Variants in RAP1A observed in about 807,000 individuals in gnomAD.
RAP1A encodes RAP1A, member of RAS oncogene family.
In RAP1A, 6 loss-of-function variants were observed where a neutral mutation model predicts 26.4. The ratio of observed to expected loss-of-function variants is 0.23; its 90% CI spans 0.12 to 0.45. The LOEUF is 0.45. RAP1A is among the 20% of genes least tolerant of loss of function. The pLI, the probability that RAP1A is intolerant of heterozygous loss-of-function variation, is 0.99. For synonymous variants in RAP1A, 73 were observed against 79.4 expected (o/e 0.92, Z 0.43); for missense variants, 121 against 217.2 (o/e 0.56, Z 2.78).
At chr1:111,545,893 A>G (rs1338731483) in intron 1 of RAP1A, among the ~76,000 whole-genome samples, 1 of 152,118 alleles carries the variant, frequency 6.6e-6, no homozygotes, top group Non-Finnish European at 1.5e-5. Flanking sequence ...TTCTCCCCGG[A>G]ACAGTCTTGG....
chr1:111,627,840 C>G, intron 1 of RAP1A, among the ~76,000 whole-genome samples: 1 of 150,340 alleles, frequency 6.7e-6, no homozygotes, highest in East Asian at 1.9e-4. Flanking sequence ...CATGAGAAAG[C>G]TTGTTTTATA....
At chr1:111,554,856 G>T (rs1657416028) in intron 1 of RAP1A, among the ~76,000 whole-genome samples, 1 of 152,036 alleles carries the variant, frequency 6.6e-6, no homozygotes, top group Non-Finnish European at 1.5e-5. Flanking sequence ...AAGTTCCAAA[G>T]AATGTTAGCT....
chr1:111,560,741 C>T (rs182394166), intron 1 of RAP1A, among the ~76,000 whole-genome samples: 60 of 152,276 alleles, frequency 3.9e-4, no homozygotes, highest in African/African-American at 1.1e-3. Flanking sequence ...ATGCTCCAGC[C>T]GCAGCCTCCA....
At chr1:111,554,374 T>C (rs952864065) in intron 1 of RAP1A, among the ~76,000 whole-genome samples, 1 of 152,166 alleles carries the variant, frequency 6.6e-6, no homozygotes, top group Non-Finnish European at 1.5e-5. Context: ...TGACAAAAAA[T>C]ATAGGAAATA....
intron 1 of RAP1A, among the ~76,000 whole-genome samples, chr1:111,638,892 T>C (rs1659807095): frequency 1.3e-5 from 2 of 151,950 alleles, no homozygotes. Flanking sequence ...GACAAGTATA[T>C]GTATTTTAAG....
intron 1 of RAP1A, among the ~76,000 whole-genome samples, chr1:111,656,133 A>T (rs1660451399): frequency 6.6e-6 from 1 of 152,174 alleles, no homozygotes; most frequent in Non-Finnish European, 1.5e-5. Context: ...GCCCAGCAAG[A>T]AGGATAGTTA....
Position 111,594,529 on chromosome 1 carries a change from GGAA to G in RAP1A, c.-28+52025_-28+52027del, listed in dbSNP as rs554595628. On this transcript the variant is annotated intron_variant, in intron 1 of 7. Coordinates refer to the RAP1A transcript ENST00000356415. ...GAAGGAAGGAAGGGGAAGGGGAAAG[GGAA>G]GAAGGAAGGAAGAAAGAAAGAAGGA... Among the ~76,000 whole-genome samples the G allele has an allele frequency of 7.7e-4, 112 of 146,200 alleles. No homozygotes were observed. The Middle Eastern group carries it at 0.017, about 23-fold the overall frequency.
At position 111,703,419 on chromosome 1, in the gene RAP1A, G is replaced by A. The variant is rs956243688; in HGVS notation, c.267G>A (p.Thr89=). 1.2e-6 allele frequency: 2 copies of A among 1,607,332 alleles called. No individual in the cohort carries two copies. The highest frequency in any genetic ancestry group is 1.7e-6 in the Non-Finnish European group (2 of 1,175,892). The change falls in exon 5 of 8, where the codon ACG becomes ACA. Residue 89 remains threonine (T), a synonymous_variant. Coordinates refer to ENST00000369709, the MANE Select transcript of RAP1A (RefSeq NM_002884.4). The part of the protein sequence containing the change: ...ALVYSITAQS[T]FNDLQDLREQ... ...TATATTCTATTACAGCTCAGTCCAC[G>A]TTTAACGACTTACAGGACCTGAGGG...
intron 1 of RAP1A, among the ~76,000 whole-genome samples, chr1:111,614,093 C>G (rs1299754175): frequency 2.6e-5 from 4 of 152,166 alleles, no homozygotes; most frequent in Admixed American, 6.5e-5. Context: ...CTAATTCAAC[C>G]AATGTCTTAA....
At chr1:111,630,474 T>C (rs1659536022) in intron 1 of RAP1A, among the ~76,000 whole-genome samples, 1 of 152,148 alleles carries the variant, frequency 6.6e-6, no homozygotes, top group Non-Finnish European at 1.5e-5. Flanking sequence ...TTTATACCAC[T>C]GAAGGGTTGA....
chr1:111,632,738 C>A (rs1659604948), intron 1 of RAP1A, among the ~76,000 whole-genome samples: 1 of 151,496 alleles, frequency 6.6e-6, no homozygotes, highest in Admixed American at 6.6e-5. Context: ...CATGGAGAAA[C>A]CCCGTCTTCA....
intron 1 of RAP1A, among the ~76,000 whole-genome samples, chr1:111,625,917 C>T (rs572810296): frequency 6.6e-6 from 1 of 152,300 alleles, no homozygotes; most frequent in Non-Finnish European, 1.5e-5. Context: ...GCTGGGACTA[C>T]AGGCGTGTGC....
chr1:111,688,808 G>GTTTTTT (rs753016302), intron 1 of RAP1A, among the ~76,000 whole-genome samples: 6 of 124,192 alleles, frequency 4.8e-5, no homozygotes, highest in South Asian at 2.7e-4. Context: ...TTTTGTTTTT[G>GTTTTTT]TTTTTTTTTT....
chr1:111,643,927 G>C (rs1659972187), intron 1 of RAP1A, among the ~76,000 whole-genome samples: 1 of 152,226 alleles, frequency 6.6e-6, no homozygotes, highest in Admixed American at 6.5e-5. Flanking sequence ...ACACATTGCA[G>C]ATTCTGTAGC....
chr1:111,624,358 T>TA (rs1659324347), intron 1 of RAP1A, among the ~76,000 whole-genome samples: 2 of 152,248 alleles, frequency 1.3e-5, no homozygotes, highest in Admixed American at 1.3e-4. Flanking sequence ...CAGTAGTTTT[T>TA]ATGTGCTTTT....
rs1034236542 is a variant in RAP1A at position 111,708,150 on chromosome 1, C to T, written c.469-999C>T. 3.9e-5 allele frequency among the ~76,000 whole-genome samples: 6 copies of T among 152,204 alleles called. No homozygotes were observed. The South Asian group carries it at 1.2e-3, about 32-fold the overall frequency. On this transcript the variant is annotated intron_variant, in intron 6 of 7. Transcript: ENST00000369709. The stretch of plus-strand genomic sequence containing the variant: ...GATTGCACCACTGCACTCCAGCCTG[C>T]GTGACAGAGCAAGACTCTGTCTCAA...
intron 4 of RAP1A, among the ~76,000 whole-genome samples, chr1:111,698,678 T>C (rs2101270626): frequency 6.6e-6 from 1 of 152,310 alleles, no homozygotes; most frequent in Admixed American, 6.5e-5. Context: ...TGTAAGCAAA[T>C]TGGAGTGATT....
chr1:111,690,374 CCA>C (rs1157336251), intron 1 of RAP1A, among the ~76,000 whole-genome samples: 1 of 152,190 alleles, frequency 6.6e-6, no homozygotes, highest in Non-Finnish European at 1.5e-5. Context: ...CTGGGCTTGG[CCA>C]CAGACTCAAG....
Position 111,612,613 on chromosome 1 carries a change from C to T in RAP1A, c.-28+70104C>T, listed in dbSNP as rs559642794. Among the ~76,000 whole-genome samples the T allele has an allele frequency of 2.6e-5, 4 of 152,174 alleles. No individual in the cohort carries two copies. In the South Asian group the frequency reaches 6.2e-4, roughly 24 times the overall value. ...ACTGTTTTCAATGGCCATCAAGAAA[C>T]CAACTGTATTGCCGCTCAAATCACA... On this transcript the variant is annotated intron_variant, in intron 1 of 7. Coordinates refer to the RAP1A transcript ENST00000356415.
Sources: allele counts gnomAD v4.1 joint callset (sites outside exome capture counted in the v4.1 genomes callset), GRCh38; gene constraint gnomAD v4.1.1; transcripts MANE v1.5; gene names NCBI Gene and HGNC (gene_info 2026-07-23, HGNC 2026-07-21).